Variants in CEMIP2 observed in about 807,000 individuals in gnomAD.
CEMIP2 encodes cell migration inducing hyaluronidase 2.
Under a neutral mutation model 146.9 loss-of-function variants are expected in CEMIP2, and 79 were observed. The ratio of observed to expected loss-of-function variants is 0.54; its 90% confidence interval spans 0.45 to 0.65. The LOEUF (loss-of-function observed/expected upper bound fraction) is 0.65, where lower values mean the gene tolerates loss of function less well. Among genes scored for constraint, CEMIP2 ranks in the 30% least tolerant of loss-of-function variants. The pLI is 0.00. For missense variants in CEMIP2, 1,596 were observed against 1,696.2 expected (o/e 0.94, Z 1.04); for synonymous variants, 601 against 606.3 (o/e 0.99, Z 0.13).
In CEMIP2 at chr9:71,718,088, TAAAA is replaced by T; in HGVS notation, c.2268-13_2268-10del. On this transcript the variant is annotated splice_polypyrimidine_tract_variant and intron_variant, in intron 12 of 23. Coordinates refer to ENST00000377044, the MANE Select transcript of CEMIP2 (RefSeq NM_013390.3). Reference sequence around the variant, plus strand: ...CCTGATGAGGTCGAAATCTAGGGGTTAAAAAAAGAATTTTAAAAAATATAACATA... The same window carrying T: ...CCTGATGAGGTCGAAATCTAGGGGTTAAAGAATTTTAAAAAATATAACATA... The T allele has an allele frequency of 6.3e-7, 1 of 1,589,078 alleles. No individual in the cohort carries two copies. The highest frequency in any genetic ancestry group is 8.6e-7 in the Non-Finnish European group (1 of 1,169,526).
chr9:71,737,806 T>C (rs1823803593), intron 5 of CEMIP2, among the ~76,000 whole-genome samples: 1 of 152,226 alleles, frequency 6.6e-6, no homozygotes, highest in Non-Finnish European at 1.5e-5. Context: ...TTTCTGAATA[T>C]GTGTCTTGCC....
rs78240426 is a variant in CEMIP2 at position 71,752,013 on chromosome 9, G to A, written c.-12-1628C>T. ...ATAGCTAACACAATTAGTGCCTTATGTGTATTAATTCATTTAATATATTTA... is the reference window on the plus strand; with the variant it reads ...ATAGCTAACACAATTAGTGCCTTATATGTATTAATTCATTTAATATATTTA... On this transcript the variant is annotated intron_variant, in intron 1 of 23. Transcript: ENST00000377044. Among the ~76,000 whole-genome samples the A allele has an allele frequency of 5.4e-4, 82 of 152,264 alleles. 1 individual carries two copies. The East Asian group carries it at 0.015, about 28-fold the overall frequency.
At chr9:71,723,748 C>T in intron 11 of CEMIP2, among the ~76,000 whole-genome samples, 1 of 152,122 alleles carries the variant, frequency 6.6e-6, no homozygotes, top group East Asian at 1.9e-4. Flanking sequence ...GAGGCATCAG[C>T]AGTTGAAGCC....
At chr9:71,689,594 G>A (rs568925061) in intron 22 of CEMIP2, among the ~76,000 whole-genome samples, 2 of 152,304 alleles carry the variant, frequency 1.3e-5, no homozygotes, top group South Asian at 4.1e-4. Flanking sequence ...TGACCCAGGT[G>A]ATGACTTCCT....
At chr9:71,757,344 T>A (rs1272456693) in intron 1 of CEMIP2, among the ~76,000 whole-genome samples, 1 of 152,228 alleles carries the variant, frequency 6.6e-6, no homozygotes, top group Non-Finnish European at 1.5e-5. Flanking sequence ...CACGATCTAA[T>A]CAGGTCAGTT....
At chr9:71,749,075 C>T (rs1253104584) in intron 2 of CEMIP2, among the ~76,000 whole-genome samples, 1 of 152,090 alleles carries the variant, frequency 6.6e-6, no homozygotes, top group Non-Finnish European at 1.5e-5. Flanking sequence ...GTTGGTATTC[C>T]AATAAGGCTG....
At position 71,715,714 on chromosome 9, in the gene CEMIP2, C is replaced by T. The variant is rs139139911; in HGVS notation, c.2436-625G>A. On this transcript the variant is annotated intron_variant, in intron 14 of 23. Coordinates refer to ENST00000377044, the MANE Select transcript of CEMIP2 (RefSeq NM_013390.3). ...CAGGCTGGAGCAGCAACCTTGAACTCGAGCTCACAGGATACTGCCATCTCA... is the reference window on the plus strand; with the variant it reads ...CAGGCTGGAGCAGCAACCTTGAACTTGAGCTCACAGGATACTGCCATCTCA... 2.7e-3 allele frequency among the ~76,000 whole-genome samples: 393 copies of T among 148,110 alleles called. 11 individuals are homozygous for T. The East Asian group carries it at 0.055, about 21-fold the overall frequency.
chr9:71,750,512 G>T (rs913695952), intron 1 of CEMIP2, 127 bp from the exon 2 acceptor site: 2 of 686,364 alleles, frequency 2.9e-6, no homozygotes, highest in Non-Finnish European at 4.5e-6. Context: ...CATGATCTCG[G>T]CTCACCGCCA....
chr9:71,746,292 T>G lies in CEMIP2; in HGVS notation c.381A>C (p.Gln127His), dbSNP rs754822454. The part of the protein sequence containing the change: ...NPRLRNWDPG[Q>H]DSAKQVVIKE... ...TGATAACAACTTGCTTTGCAGAATC[T>G]TGTCCTGGATCCCAATTCCTGAGAC... The change falls in exon 3 of 24, where the codon CAA (glutamine) becomes CAC (histidine). Residue 127 changes from glutamine (Q) to histidine (H), a missense_variant. Transcript: ENST00000377044. 6.2e-7 allele frequency: 1 copy of G among 1,614,008 alleles called. No homozygotes were observed. The highest frequency in any genetic ancestry group is 8.5e-7 in the Non-Finnish European group (1 of 1,179,894).
intron 1 of CEMIP2, among the ~76,000 whole-genome samples, chr9:71,762,917 T>C (rs1437799039): frequency 6.6e-6 from 1 of 151,930 alleles, no homozygotes; most frequent in Admixed American, 6.6e-5. Flanking sequence ...AAGGCTGAGA[T>C]GTGGAAAGAT....
chr9:71,698,948 T>C (rs1822476290), intron 19 of CEMIP2, among the ~76,000 whole-genome samples: 1 of 150,176 alleles, frequency 6.7e-6, no homozygotes, highest in Non-Finnish European at 1.5e-5. Context: ...CACATTTTAA[T>C]GAGGTCAATA....
intron 15 of CEMIP2, 73 bp from the exon 16 acceptor site, chr9:71,712,333 G>A: frequency 6.9e-7 from 1 of 1,459,564 alleles, no homozygotes; most frequent in Non-Finnish European, 9.4e-7. Flanking sequence ...CTTGTTTTAT[G>A]AAGACAGCTA....
chr9:71,733,085 A>G (rs936048812), intron 6 of CEMIP2, among the ~76,000 whole-genome samples: 2 of 152,198 alleles, frequency 1.3e-5, no homozygotes, highest in Admixed American at 6.5e-5. Context: ...TAGTGAGTCC[A>G]TAAAACAAAT....
At chr9:71,765,312 C>G (rs1298246503) in intron 1 of CEMIP2, among the ~76,000 whole-genome samples, 1 of 152,132 alleles carries the variant, frequency 6.6e-6, no homozygotes, top group African/African-American at 2.4e-5. Context: ...TTTGAAAGTA[C>G]CTTTTGATAC....
At chr9:71,709,164 G>T (rs1348611209) in intron 17 of CEMIP2, 95 bp downstream of exon 17, 3 of 1,151,484 alleles carry the variant, frequency 2.6e-6, no homozygotes, top group Non-Finnish European at 3.9e-6. Flanking sequence ...TTTGGAAAAT[G>T]TCAATCACAC....
intron 5 of CEMIP2, among the ~76,000 whole-genome samples, chr9:71,735,901 TGAGCAACA>T (rs1366645703): frequency 6.6e-6 from 1 of 152,124 alleles, no homozygotes; most frequent in Non-Finnish European, 1.5e-5. Context: ...AAGACTAGCT[TGAGCAACA>T]GAGCGAGGCC....
intron 20 of CEMIP2, among the ~76,000 whole-genome samples, chr9:71,696,601 T>C (rs1279766756): frequency 6.6e-6 from 1 of 151,826 alleles, no homozygotes; most frequent in Non-Finnish European, 1.5e-5. Context: ...CAAAACCCCA[T>C]CTCTAGTAAA....
chr9:71,744,929 TG>T lies in CEMIP2; in HGVS notation c.1034+88del, dbSNP rs981833018. On this transcript the variant is annotated intron_variant, in intron 4 of 23. Coordinates refer to ENST00000377044, the MANE Select transcript of CEMIP2 (RefSeq NM_013390.3). ...AGTGGCCCTTCTGATGCCTGAGTCA[TG>T]CTGTGGCTGTGGCTCCTTTCCCCAC... 74 of 1,395,222 alleles carry T rather than the reference TG, an allele frequency of 5.3e-5. 1 individual carries two copies. The African/African-American group carries it at 1.0e-3, about 19-fold the overall frequency. The allele number at this position is 1,395,222 out of a possible 1,614,324, so 86.4% of individuals were successfully genotyped here. A position where few individuals can be genotyped will look rare whatever the true frequency, so the allele number is the denominator to read the frequency against.
Position 71,690,181 on chromosome 9 carries a change from G to C in CEMIP2, c.3762C>G (p.Ser1254Arg). Residue 1254 changes from serine to arginine, a missense_variant, in exon 22 of 24, where the codon AGC becomes AGG. Ser to Arg is a moderately radical substitution (Grantham distance 110). Transcript: ENST00000377044. The stretch of plus-strand genomic sequence containing the variant: ...TTTTTTCCGTCAAGCGGAATGGAAC[G>C]CTGCACGGATCCACAACAAGGAGGA... Reference protein sequence around the residue: ...GVLLLVVDPCSVPFRLTEKTV... With the variant: ...GVLLLVVDPCRVPFRLTEKTV... The C allele has an allele frequency of 1.9e-6, 3 of 1,614,160 alleles. No homozygotes were observed. The highest frequency in any genetic ancestry group is 1.7e-6 in the Non-Finnish European group (2 of 1,180,016).
Sources: allele counts gnomAD v4.1 joint callset (sites outside exome capture counted in the v4.1 genomes callset), GRCh38; gene constraint gnomAD v4.1.1; transcripts MANE v1.5; gene names NCBI Gene and HGNC (gene_info 2026-07-23, HGNC 2026-07-21).